The following SEMA3E variants were observed in gnomAD, a reference collection of about 807,000 sequenced individuals.
SEMA3E encodes semaphorin-3E.
In SEMA3E, 49 loss-of-function variants were observed where a neutral mutation model predicts 93.6. The ratio of observed to expected loss-of-function variants is 0.52; its 90% CI spans 0.42 to 0.66. The LOEUF (loss-of-function observed/expected upper bound fraction) is 0.66. Ranked by LOEUF, SEMA3E falls within the 30% of genes least tolerant of loss-of-function variation. The probability of loss-of-function intolerance (pLI) is 0.00; values close to 1 mark genes in which losing one functional copy is unlikely to be tolerated. For missense variants in SEMA3E, 906 were observed against 964.8 expected, an observed-to-expected ratio of 0.94 and a Z score of 0.81; for synonymous variants, 363 against 330.7, an observed-to-expected ratio of 1.10 and a Z score of -1.06.
chr7:83,398,192 T>G (rs1367465071), intron 11 of SEMA3E, among the ~76,000 whole-genome samples: 1 of 152,178 alleles, frequency 6.6e-6, no homozygotes, highest in East Asian at 1.9e-4. Context: ...AATATATGCT[T>G]GATACTTCTG....
chr7:83,408,523 TTGTTAATA>T, intron 5 of SEMA3E, 36 bp from the exon 6 acceptor site: 1 of 1,610,010 alleles, frequency 6.2e-7, no homozygotes, highest in South Asian at 1.1e-5. Context: ...AAGTCAGTAT[TTGTTAATA>T]TGTTAACAAA....
chr7:83,626,241 C>A (rs56957961), intron 1 of SEMA3E, among the ~76,000 whole-genome samples: 10,068 of 152,204 alleles, frequency 0.066, 478 homozygotes, highest in East Asian at 0.19. Flanking sequence ...AGGGAGGAGT[C>A]CCTCTTTTTC....
chr7:83,468,581 A>G (rs1468936980), intron 3 of SEMA3E, among the ~76,000 whole-genome samples: 1 of 151,892 alleles, frequency 6.6e-6, no homozygotes, highest in Non-Finnish European at 1.5e-5. Flanking sequence ...AAAAAAGGTT[A>G]AGTTCACTTT....
At chr7:83,524,578 TC>T (rs1046951556) in intron 1 of SEMA3E, among the ~76,000 whole-genome samples, 3 of 152,142 alleles carry the variant, frequency 2.0e-5, no homozygotes, top group African/African-American at 7.2e-5. Context: ...AATTGTGAGC[TC>T]TCGTGCTATT....
chr7:83,554,977 A>AAAATAAATAAAT (rs750652810), intron 1 of SEMA3E, among the ~76,000 whole-genome samples: 6 of 144,396 alleles, frequency 4.2e-5, no homozygotes, highest in Admixed American at 2.0e-4. Flanking sequence ...ACTCCGTCTC[A>AAAATAAATAAAT]AAATAAATAA....
Position 83,400,115 on chromosome 7 carries a change from T to C in SEMA3E, c.1279A>G (p.Thr427Ala). The C allele has an allele frequency of 6.2e-7, 1 of 1,614,026 alleles. No individual in the cohort carries two copies. The highest frequency in any genetic ancestry group is 8.5e-7 in the Non-Finnish European group (1 of 1,179,962). ...PAHKKPILVK[T>A]DGKYNLKQIA... ...TGTTTCAGGTTATATTTTCCATCTG[T>C]TTTTACCAATATTGGTTTTTTATGG... Residue 427 changes from threonine to alanine, a missense_variant, in exon 11 of 17, where the codon ACA becomes GCA. Coordinates refer to ENST00000643230, the MANE Select transcript of SEMA3E (RefSeq NM_012431.3).
At chr7:83,516,945 T>TATATA (rs1790940088) in intron 1 of SEMA3E, among the ~76,000 whole-genome samples, 6 of 148,562 alleles carry the variant, frequency 4.0e-5, no homozygotes, top group South Asian at 2.1e-4. Flanking sequence ...TAGCATATAT[T>TATATA]TATATATATA....
At chr7:83,496,498 A>T (rs1790494038) in intron 1 of SEMA3E, among the ~76,000 whole-genome samples, 1 of 152,064 alleles carries the variant, frequency 6.6e-6, no homozygotes, top group Non-Finnish European at 1.5e-5. Flanking sequence ...ACTATCCGAA[A>T]TAATTACAAA....
At chr7:83,641,526 T>C in intron 1 of SEMA3E, 1 of 281,318 alleles carries the variant, frequency 3.6e-6, no homozygotes, top group South Asian at 1.4e-4. Context: ...CTGTTTATTT[T>C]GTGGATTTGG....
chr7:83,423,670 A>ATTT (rs71074657), intron 4 of SEMA3E, among the ~76,000 whole-genome samples: 2 of 142,690 alleles, frequency 1.4e-5, no homozygotes, highest in Non-Finnish European at 1.5e-5. Context: ...CGCCCGGCTA[A>ATTT]TTTTTTTTTT....
At chr7:83,535,861 A>C (rs751877955) in intron 1 of SEMA3E, among the ~76,000 whole-genome samples, 1 of 152,152 alleles carries the variant, frequency 6.6e-6, no homozygotes, top group Non-Finnish European at 1.5e-5. Flanking sequence ...TTAAAGCTGC[A>C]CTAAATGTGA....
chr7:83,561,302 G>T (rs1174951730), intron 1 of SEMA3E, among the ~76,000 whole-genome samples: 1 of 152,042 alleles, frequency 6.6e-6, no homozygotes, highest in African/African-American at 2.4e-5. Context: ...GTTTATTCAA[G>T]TAAAAAATTA....
chr7:83,468,291 G>A (rs1315229929), intron 3 of SEMA3E, among the ~76,000 whole-genome samples: 8 of 152,124 alleles, frequency 5.3e-5, no homozygotes, highest in Admixed American at 4.6e-4. Flanking sequence ...TTTTCATTCA[G>A]GCATGGTGAA....
At chr7:83,641,849 G>A (rs1445665127) in intron 1 of SEMA3E, among the ~76,000 whole-genome samples, 2 of 152,154 alleles carry the variant, frequency 1.3e-5, no homozygotes, top group African/African-American at 4.8e-5. Context: ...TTTATAAAAA[G>A]CTTCCTAAGG....
intron 1 of SEMA3E, among the ~76,000 whole-genome samples, chr7:83,577,976 A>G (rs1792443210): frequency 6.6e-6 from 1 of 152,046 alleles, no homozygotes; most frequent in Non-Finnish European, 1.5e-5. Flanking sequence ...AAACACATTC[A>G]TTTTGAGGAA....
Position 83,485,654 on chromosome 7 carries a change from A to T in SEMA3E, c.276+4460T>A, listed in dbSNP as rs1001552171. On this transcript the variant is annotated intron_variant, in intron 2 of 16. Coordinates refer to ENST00000643230, the MANE Select transcript of SEMA3E (RefSeq NM_012431.3). The stretch of plus-strand genomic sequence containing the variant: ...ATAATATACTGTGTAGGAAAACAGT[A>T]TATACAGAATATATACTGTATGGGA... 4.6e-5 allele frequency among the ~76,000 whole-genome samples: 7 copies of T among 152,182 alleles called. No homozygotes were observed. The East Asian group carries it at 1.2e-3, about 25-fold the overall frequency.
intron 1 of SEMA3E, among the ~76,000 whole-genome samples, chr7:83,581,994 AC>A (rs945329785): frequency 5.3e-5 from 8 of 152,132 alleles, no homozygotes; most frequent in African/African-American, 1.9e-4. Flanking sequence ...ATAGAATTAC[AC>A]TTCTAAAGAA....
intron 1 of SEMA3E, among the ~76,000 whole-genome samples, chr7:83,589,506 G>A (rs1301152743): frequency 1.3e-5 from 2 of 152,004 alleles, no homozygotes; most frequent in East Asian, 3.9e-4. Flanking sequence ...CCACTCACGA[G>A]ACATCTAGGC....
chr7:83,491,614 A>G (rs1284288590), intron 1 of SEMA3E, among the ~76,000 whole-genome samples: 2 of 152,104 alleles, frequency 1.3e-5, no homozygotes, highest in South Asian at 2.1e-4. Flanking sequence ...GAGGGTGGGG[A>G]AAAAAGGAAT....
Sources: gnomAD v4.1 joint callset for allele counts (sites outside exome capture counted in the v4.1 genomes callset) on GRCh38, gnomAD v4.1.1 for gene constraint, MANE v1.5 for transcripts, NCBI Gene and HGNC (gene_info 2026-07-23, HGNC 2026-07-21) for gene names.